LRP1B: variants seen among roughly 807,000 people sequenced by gnomAD.
LRP1B encodes low-density lipoprotein receptor-related protein 1B.
Under a neutral mutation model 556.6 loss-of-function variants are expected in LRP1B, and 217 were observed. The ratio of observed to expected loss-of-function variants is 0.39; its 90% CI spans 0.35 to 0.44. The LOEUF (loss-of-function observed/expected upper bound fraction) is 0.44, where lower values mean the gene tolerates loss of function less well. LRP1B is among the 20% of genes least tolerant of loss of function. LRP1B has a pLI of 1.00. For missense variants in LRP1B, 5,053 were observed against 5,620.8 expected (o/e 0.90, Z 3.23); for synonymous variants, 2,047 against 1,865.8 (o/e 1.10, Z -2.50).
At chr2:140,572,698 T>G (rs1445589728) in intron 43 of LRP1B, among the ~76,000 whole-genome samples, 1 of 151,722 alleles carries the variant, frequency 6.6e-6, no homozygotes, top group Non-Finnish European at 1.5e-5. Flanking sequence ...ACAGCACTAT[T>G]CACAATAGCC....
At chr2:141,063,640 T>C (rs975031830) in intron 7 of LRP1B, among the ~76,000 whole-genome samples, 2 of 151,810 alleles carry the variant, frequency 1.3e-5, no homozygotes, top group African/African-American at 4.8e-5. Flanking sequence ...TCCGTCTCTC[T>C]CTCTCTTCCT....
chr2:141,671,808 T>C (rs1272226245), intron 2 of LRP1B, among the ~76,000 whole-genome samples: 1 of 147,166 alleles, frequency 6.8e-6, no homozygotes, highest in Non-Finnish European at 1.5e-5. Flanking sequence ...ACAAATCCTT[T>C]CTTAACCCAT....
At chr2:142,126,778 G>T (rs146863229) in intron 1 of LRP1B, among the ~76,000 whole-genome samples, 1 of 151,824 alleles carries the variant, frequency 6.6e-6, no homozygotes, top group African/African-American at 2.4e-5. Flanking sequence ...ATAAAAAACT[G>T]GATCCATATA....
At chr2:141,247,151 A>G in intron 5 of LRP1B, 75 bp downstream of exon 5, 1 of 1,543,632 alleles carries the variant, frequency 6.5e-7, no homozygotes, top group Non-Finnish European at 8.9e-7. Flanking sequence ...GCTATACCAC[A>G]TCTCTAATGA....
intron 1 of LRP1B, among the ~76,000 whole-genome samples, chr2:142,011,134 T>C (rs941697869): frequency 6.6e-6 from 1 of 152,198 alleles, no homozygotes; most frequent in Non-Finnish European, 1.5e-5. Context: ...TTTTGTACTG[T>C]CTGAGAGCTG....
chr2:140,887,131 T>C (rs1693660955), intron 23 of LRP1B, among the ~76,000 whole-genome samples: 1 of 152,194 alleles, frequency 6.6e-6, no homozygotes, highest in Non-Finnish European at 1.5e-5. Flanking sequence ...TTGCACAGTA[T>C]TGTTTTTGCT....
At chr2:141,779,110 G>A (rs563512548) in intron 2 of LRP1B, among the ~76,000 whole-genome samples, 19 of 152,268 alleles carry the variant, frequency 1.2e-4, no homozygotes, top group Middle Eastern at 6.8e-3. Flanking sequence ...ATTGAATTCA[G>A]AGAGGTTATA....
rs115860973 is a variant in LRP1B at position 140,481,395 on chromosome 2, C to T, written c.9425+3948G>A. Among the ~76,000 whole-genome samples the T allele has an allele frequency of 1.6e-3, 236 of 152,032 alleles. 1 individual carries two copies. The highest frequency in any genetic ancestry group is 5.3e-3 in the African/African-American group (218 of 41,486). On this transcript the variant is annotated intron_variant, in intron 59 of 90. Transcript: ENST00000389484. Reference sequence around the variant, plus strand: ...AATCCCCAGTGTAATATTTTATCACCTAAACAATTCTGAGAAAGTCACTTA... The same window carrying T: ...AATCCCCAGTGTAATATTTTATCACTTAAACAATTCTGAGAAAGTCACTTA...
intron 3 of LRP1B, among the ~76,000 whole-genome samples, chr2:141,289,052 A>G (rs1313624774): frequency 2.6e-5 from 4 of 152,194 alleles, no homozygotes; most frequent in African/African-American, 4.8e-5. Flanking sequence ...CTTAAGAAAT[A>G]TAAAGCAAGA....
intron 2 of LRP1B, among the ~76,000 whole-genome samples, chr2:141,788,611 C>T (rs1310827691): frequency 6.6e-6 from 1 of 151,720 alleles, no homozygotes; most frequent in Non-Finnish European, 1.5e-5. Context: ...ATACATGTGC[C>T]ATGTTGGTGT....
rs550605842 is a variant in LRP1B at position 141,561,547 on chromosome 2, CT to C, written c.206-81015del. ...TACCTTTCTGCATTACCAATTTCAC[CT>C]CTTTACAATGACCTGGCCATTTTCA... On this transcript the variant is annotated intron_variant, in intron 2 of 90. Coordinates refer to ENST00000389484, the MANE Select transcript of LRP1B (RefSeq NM_018557.3). Among the ~76,000 whole-genome samples the C allele has an allele frequency of 7.1e-4, 108 of 151,936 alleles. No homozygotes were observed. In the East Asian group the frequency reaches 0.019, roughly 26 times the overall value.
intron 2 of LRP1B, among the ~76,000 whole-genome samples, chr2:141,513,084 A>G (rs1684188976): frequency 6.6e-6 from 1 of 152,186 alleles, no homozygotes; most frequent in South Asian, 2.1e-4. Flanking sequence ...TAGCCTCAGC[A>G]GTTAGAACTG....
At chr2:141,172,910 G>A (rs1680568462) in intron 7 of LRP1B, among the ~76,000 whole-genome samples, 2 of 151,960 alleles carry the variant, frequency 1.3e-5, no homozygotes, top group Admixed American at 1.3e-4. Context: ...TCATCCAGTA[G>A]TTCTATTTTC....
At chr2:141,087,211 C>T in intron 7 of LRP1B, among the ~76,000 whole-genome samples, 1 of 152,264 alleles carries the variant, frequency 6.6e-6, no homozygotes, top group African/African-American at 2.4e-5. Context: ...GTACCCAGGA[C>T]ATACTGTACT....
chr2:140,521,979 G>T (rs763995011), intron 49 of LRP1B, among the ~76,000 whole-genome samples: 13 of 152,060 alleles, frequency 8.5e-5, no homozygotes, highest in Admixed American at 1.3e-4. Flanking sequence ...CAACTTGATA[G>T]CCACAATAAC....
At chr2:141,714,797 G>T (rs995841817) in intron 2 of LRP1B, among the ~76,000 whole-genome samples, 1 of 152,080 alleles carries the variant, frequency 6.6e-6, no homozygotes, top group Non-Finnish European at 1.5e-5. Flanking sequence ...AGAAAAGCAG[G>T]TTTGCTTTTT....
At chr2:141,442,147 C>A (rs1681001246) in intron 3 of LRP1B, among the ~76,000 whole-genome samples, 1 of 152,044 alleles carries the variant, frequency 6.6e-6, no homozygotes, top group South Asian at 2.1e-4. Context: ...CCAAATTGTG[C>A]ACTTTACAAA....
chr2:141,102,395 C>T (rs1700484565), intron 7 of LRP1B, among the ~76,000 whole-genome samples: 1 of 152,046 alleles, frequency 6.6e-6, no homozygotes, highest in African/African-American at 2.4e-5. Context: ...CCTCATTGTA[C>T]ATCACTTCTG....
At chr2:141,169,679 C>T (rs1680415270) in intron 7 of LRP1B, among the ~76,000 whole-genome samples, 1 of 150,504 alleles carries the variant, frequency 6.6e-6, no homozygotes, top group Non-Finnish European at 1.5e-5. Context: ...TCAAAATGGA[C>T]AACTGGAAGC....
Sources: gnomAD v4.1 joint callset for allele counts (sites outside exome capture counted in the v4.1 genomes callset) on GRCh38, gnomAD v4.1.1 for gene constraint, MANE v1.5 for transcripts, NCBI Gene and HGNC (gene_info 2026-07-23, HGNC 2026-07-21) for gene names.